The following GABRA3 variants were observed in gnomAD, a reference collection of about 807,000 sequenced individuals.
GABRA3 encodes gamma-aminobutyric acid type A receptor subunit alpha3.
In GABRA3, 10 loss-of-function variants were observed where a neutral mutation model predicts 30.1. The observed-to-expected ratio is 0.33, with a 90% CI of 0.20 to 0.56. The LOEUF (loss-of-function observed/expected upper bound fraction) is 0.56, where lower values mean the gene tolerates loss of function less well. Among genes scored for constraint, GABRA3 ranks in the 20% least tolerant of loss-of-function variants. The pLI is 0.89. For synonymous variants in GABRA3, 151 were observed against 146.8 expected, an observed-to-expected ratio of 1.03 and a Z score of -0.21; for missense variants, 233 against 392.0, an observed-to-expected ratio of 0.59 and a Z score of 3.42.
intron 4 of GABRA3, among the ~76,000 whole-genome samples, chrX:152,277,530 C>T (rs1939109931): frequency 9.0e-6 from 1 of 111,411 alleles, no homozygotes; most frequent in South Asian, 3.7e-4. Flanking sequence ...GTCAAAACTA[C>T]TGGGGAAAAT....
At chrX:152,324,655 A>G (rs1923642774) in intron 3 of GABRA3, among the ~76,000 whole-genome samples, 1 of 112,148 alleles carries the variant, frequency 8.9e-6, no homozygotes, top group African/African-American at 3.2e-5. Context: ...AAATAATTAT[A>G]CTAAAAATAA....
chrX:152,217,414 T>C (rs143775250), intron 6 of GABRA3, among the ~76,000 whole-genome samples: 2,704 of 111,550 alleles, frequency 0.024, 43 homozygotes, highest in Middle Eastern at 0.07. Flanking sequence ...TACTTGCCTA[T>C]AGTTGTATTT....
intron 1 of GABRA3, among the ~76,000 whole-genome samples, chrX:152,403,711 G>C (rs1429256622): frequency 9.1e-6 from 1 of 110,317 alleles, no homozygotes; most frequent in Non-Finnish European, 1.9e-5. Context: ...AGAATTTGCT[G>C]ACTGGTAAGT....
intron 5 of GABRA3, among the ~76,000 whole-genome samples, chrX:152,241,159 T>G (rs1190510704): frequency 4.8e-4 from 48 of 100,733 alleles, no homozygotes; most frequent in Admixed American, 1.9e-3. Context: ...ATGATGGTGA[T>G]GTACAGATGG....
chrX:152,421,851 C>A (rs1930380591), intron 1 of GABRA3, among the ~76,000 whole-genome samples: 1 of 111,203 alleles, frequency 9.0e-6, no homozygotes, highest in Non-Finnish European at 1.9e-5. Flanking sequence ...TGATAAGATA[C>A]CAAAACAAGC....
At chrX:152,430,989 G>C (rs1192043775) in intron 1 of GABRA3, among the ~76,000 whole-genome samples, 1 of 111,488 alleles carries the variant, frequency 9.0e-6, no homozygotes, top group Non-Finnish European at 1.9e-5. Context: ...AATCCCATAG[G>C]CTTTTTTTGA....
intron 1 of GABRA3, among the ~76,000 whole-genome samples, chrX:152,424,928 CTTTTTTTTTT>C (rs747255822): frequency 4.7e-5 from 2 of 42,358 alleles, no homozygotes; most frequent in African/African-American, 2.5e-4. Context: ...TTTTTCTTTT[CTTTTTTTTTT>C]TTTTTTTTTT....
At chrX:152,307,723 T>C (rs1303167892) in intron 3 of GABRA3, among the ~76,000 whole-genome samples, 1 of 110,826 alleles carries the variant, frequency 9.0e-6, no homozygotes, top group African/African-American at 3.3e-5. Context: ...CTGCACAGGG[T>C]TACTGAGCAC....
At chrX:152,280,481 A>G (rs1453755168) in intron 4 of GABRA3, among the ~76,000 whole-genome samples, 1 of 111,140 alleles carries the variant, frequency 9.0e-6, no homozygotes, top group South Asian at 3.8e-4. Context: ...CAGGAAAGAG[A>G]TCCCTGTGCT....
At chrX:152,385,199 T>C (rs957970850) in intron 1 of GABRA3, among the ~76,000 whole-genome samples, 2 of 111,748 alleles carry the variant, frequency 1.8e-5, no homozygotes, top group Non-Finnish European at 3.8e-5. Flanking sequence ...GGAGAAAAGT[T>C]TGGCATTAGA....
Position 152,393,550 on chromosome X carries a change from T to A in GABRA3, c.-26-28954A>T, listed in dbSNP as rs184094665. On this transcript the variant is annotated intron_variant, in intron 1 of 9. Transcript: ENST00000370314. ...AAAGCAGGTGGGTGTGATACAAGAG[T>A]GAATAACACAATGAGGAATATGCCC... The A allele has an allele frequency of 8.3e-3, 2,711 of 327,098 alleles. 13 individuals are homozygous for A. The highest frequency in any genetic ancestry group is 0.018 in the Middle Eastern group (38 of 2,168). The allele number at this position is 327,098 out of a possible 1,213,427, so 27.0% of individuals were successfully genotyped here.
intron 9 of GABRA3, among the ~76,000 whole-genome samples, chrX:152,169,966 G>A (rs1046395413): frequency 4.5e-5 from 5 of 111,443 alleles, no homozygotes; most frequent in Admixed American, 3.8e-4. Context: ...AGACGTCACT[G>A]CCATTTACTA....
intron 5 of GABRA3, among the ~76,000 whole-genome samples, chrX:152,236,855 T>C (rs1169485262): frequency 9.7e-6 from 1 of 102,800 alleles, no homozygotes; most frequent in Non-Finnish European, 2.0e-5. Flanking sequence ...TGTTTTTTTC[T>C]TGTAAATTTG....
chrX:152,228,831 C>G (rs1022838974), intron 5 of GABRA3, among the ~76,000 whole-genome samples: 16 of 110,978 alleles, frequency 1.4e-4, no homozygotes, highest in African/African-American at 5.2e-4. Flanking sequence ...GAGACAATAT[C>G]CCCTTCCCTT....
chrX:152,212,284 C>CAAAAAAAAAAA, intron 6 of GABRA3, among the ~76,000 whole-genome samples: 1 of 26,445 alleles, frequency 3.8e-5, no homozygotes, highest in African/African-American at 2.2e-4. Flanking sequence ...GCCTTTGTCT[C>CAAAAAAAAAAA]AAAAAAAAAA....
chrX:152,437,147 G>A (rs749254201), intron 1 of GABRA3, among the ~76,000 whole-genome samples: 7 of 111,221 alleles, frequency 6.3e-5, no homozygotes, highest in East Asian at 2.8e-4. Context: ...CTACCACTAC[G>A]CACTCACGGG....
At chrX:152,436,138 T>C (rs1930772218) in intron 1 of GABRA3, among the ~76,000 whole-genome samples, 1 of 111,943 alleles carries the variant, frequency 8.9e-6, no homozygotes, top group African/African-American at 3.2e-5. Context: ...AATCTTTCAG[T>C]AGCATTTTTG....
chrX:152,261,306 T>G (rs1476878071), intron 4 of GABRA3, among the ~76,000 whole-genome samples: 5 of 111,600 alleles, frequency 4.5e-5, no homozygotes, highest in Non-Finnish European at 9.4e-5. Flanking sequence ...CATTTAAAAG[T>G]ACAATCATGT....
At chrX:152,207,301 G>A (rs1030983038) in intron 7 of GABRA3, among the ~76,000 whole-genome samples, 1 of 111,744 alleles carries the variant, frequency 8.9e-6, no homozygotes, top group Non-Finnish European at 1.9e-5. Context: ...TATGTGATAT[G>A]TGGGCCCCAG....
Sources: gnomAD v4.1 joint callset for allele counts (sites outside exome capture counted in the v4.1 genomes callset) on GRCh38, gnomAD v4.1.1 for gene constraint, MANE v1.5 for transcripts, NCBI Gene and HGNC (gene_info 2026-07-23, HGNC 2026-07-21) for gene names.